Variants in MDGA2 observed in about 807,000 individuals in gnomAD.
MDGA2 encodes MAM domain-containing glycosylphosphatidylinositol anchor protein 2.
MDGA2 carries 40 observed loss-of-function variants against 117.8 expected under a neutral mutation model. The ratio of observed to expected loss-of-function variants is 0.34; its 90% CI spans 0.26 to 0.44. The LOEUF (loss-of-function observed/expected upper bound fraction) is 0.44, where lower values mean the gene tolerates loss of function less well. Ranked by LOEUF, MDGA2 falls within the 20% of genes least tolerant of loss-of-function variation. The probability of loss-of-function intolerance (pLI) is 1.00; values close to 1 mark genes in which losing one functional copy is unlikely to be tolerated. For synonymous variants in MDGA2, 452 were observed against 439.0 expected (o/e 1.03, Z -0.37); for missense variants, 1,123 against 1,250.6 (o/e 0.90, Z 1.54).
At chr14:47,136,438 C>A (rs1435980603) in intron 4 of MDGA2, among the ~76,000 whole-genome samples, 3 of 152,100 alleles carry the variant, frequency 2.0e-5, no homozygotes, top group Non-Finnish European at 4.4e-5. Context: ...CTCAAGTGAT[C>A]TGCCTGCCTT....
intron 1 of MDGA2, among the ~76,000 whole-genome samples, chr14:47,317,604 C>G (rs970695507): frequency 4.6e-5 from 7 of 151,964 alleles, no homozygotes; most frequent in Non-Finnish European, 1.0e-4. Flanking sequence ...AATAAGCCTT[C>G]CCCTAGAAAG....
intron 5 of MDGA2, among the ~76,000 whole-genome samples, chr14:47,102,952 C>T (rs1055792113): frequency 6.6e-6 from 1 of 151,978 alleles, no homozygotes; most frequent in Non-Finnish European, 1.5e-5. Flanking sequence ...CAGTGATCAA[C>T]GAGTGGCTAC....
At chr14:47,530,700 G>A (rs547521735) in intron 1 of MDGA2, among the ~76,000 whole-genome samples, 7 of 151,940 alleles carry the variant, frequency 4.6e-5, no homozygotes, top group South Asian at 2.1e-4. Context: ...ATTACTTCTC[G>A]ACCTGCCAAT....
At chr14:47,260,517 C>T (rs924754595) in intron 2 of MDGA2, among the ~76,000 whole-genome samples, 2 of 151,990 alleles carry the variant, frequency 1.3e-5, no homozygotes, top group African/African-American at 4.8e-5. Context: ...TATAATGTAC[C>T]TGTTCTCTTC....
At chr14:47,069,084 A>G (rs918321925) in intron 6 of MDGA2, among the ~76,000 whole-genome samples, 1 of 152,072 alleles carries the variant, frequency 6.6e-6, no homozygotes, top group Non-Finnish European at 1.5e-5. Flanking sequence ...ACTTCTCTTA[A>G]CCCCAATAAT....
intron 1 of MDGA2, among the ~76,000 whole-genome samples, chr14:47,364,327 C>A (rs946334868): frequency 2.0e-5 from 3 of 152,266 alleles, no homozygotes; most frequent in Admixed American, 1.3e-4. Context: ...TGCAGGGACG[C>A]CATCTCTGCT....
intron 1 of MDGA2, among the ~76,000 whole-genome samples, chr14:47,670,847 T>C (rs1378380353): frequency 6.6e-6 from 1 of 152,106 alleles, no homozygotes; most frequent in Non-Finnish European, 1.5e-5. Context: ...AATAACTTTT[T>C]AAAATCCAAT....
intron 1 of MDGA2, among the ~76,000 whole-genome samples, chr14:47,496,557 C>G (rs1036251170): frequency 2.6e-5 from 4 of 151,782 alleles, no homozygotes; most frequent in African/African-American, 7.3e-5. Flanking sequence ...TGATTCCCCA[C>G]CTTTTTTATA....
At chr14:46,982,115 C>T (rs1594491624) in intron 8 of MDGA2, among the ~76,000 whole-genome samples, 1 of 152,098 alleles carries the variant, frequency 6.6e-6, no homozygotes. Context: ...ATGTCACATA[C>T]AAGTGTTGTA....
chr14:47,350,253 G>A (rs569336282), intron 1 of MDGA2, among the ~76,000 whole-genome samples: 2 of 152,230 alleles, frequency 1.3e-5, no homozygotes, highest in Admixed American at 6.5e-5. Flanking sequence ...GGGCACTAGC[G>A]CATTTCCTGG....
chr14:47,284,524 A>T (rs935525709), intron 2 of MDGA2, among the ~76,000 whole-genome samples: 2 of 152,112 alleles, frequency 1.3e-5, no homozygotes, highest in African/African-American at 4.8e-5. Flanking sequence ...CCCAGCCGAA[A>T]GTTTTTGCTT....
rs778593979 is a variant in MDGA2, at chr14:47,675,541, G to C, written c.-745C>G. 1.3e-5 allele frequency among the ~76,000 whole-genome samples: 2 copies of C among 152,116 alleles called. No homozygotes were observed. The highest frequency in any genetic ancestry group is 2.4e-5 in the African/African-American group (1 of 41,456). ...CGGCCAGCGTAGAGGTGCTCTGGCC[G>C]GCCGCACCAATTCCCGGAGCCGAAA... On this transcript the variant is annotated 5_prime_UTR_variant, in exon 1 of 17. Transcript: ENST00000399232.
intron 3 of MDGA2, chr14:47,200,972 C>T (rs1885483229): frequency 3.6e-6 from 3 of 834,810 alleles, no homozygotes; most frequent in East Asian, 2.4e-5. Context: ...TAGAAATTGC[C>T]AGAAATGTTG....
At position 46,929,595 on chromosome 14, in the gene MDGA2, G is replaced by GTGTGTGTGTGTGTA. The variant is rs1884460946; in HGVS notation, c.2090-9436_2090-9435insTACACACACACACA. On this transcript the variant is annotated intron_variant, in intron 9 of 16. Transcript: ENST00000399232. ...AGTATATATACGTGTGTGTGTGTGT[G>GTGTGTGTGTGTGTA]TGTGTGTATATATATATATATATAT... is the stretch of plus-strand genomic sequence containing the variant. Among the ~76,000 whole-genome samples, 32 of 17,828 alleles carry GTGTGTGTGTGTGTA rather than the reference G, an allele frequency of 1.8e-3. 1 individual carries two copies. The highest frequency in any genetic ancestry group is 6.0e-3 in the African/African-American group (31 of 5,204). 11.7% of individuals were successfully genotyped at this position (17,828 alleles called of 152,430 possible). A position where few individuals can be genotyped will look rare whatever the true frequency, so the allele number is the denominator to read the frequency against.
chr14:46,877,053 A>G (rs983450099), intron 12 of MDGA2, among the ~76,000 whole-genome samples: 3 of 151,688 alleles, frequency 2.0e-5, no homozygotes, highest in Non-Finnish European at 3.0e-5. Context: ...AGTGTTCTAT[A>G]AAAGAAAGTC....
chr14:47,132,638 C>T (rs1882260682), intron 4 of MDGA2, among the ~76,000 whole-genome samples: 1 of 151,880 alleles, frequency 6.6e-6, no homozygotes, highest in Admixed American at 6.6e-5. Flanking sequence ...TAGTCTCCTG[C>T]CCAATTCAAA....
At chr14:47,079,745 T>TTTTTTTTTTTTTTTTG (rs1566611970) in intron 6 of MDGA2, among the ~76,000 whole-genome samples, 1 of 140,260 alleles carries the variant, frequency 7.1e-6, no homozygotes, top group African/African-American at 2.7e-5. Context: ...TTTTTTTTTT[T>TTTTTTTTTTTTTTTTG]TTTTGAGACA....
At chr14:47,591,058 C>A (rs1353579121) in intron 1 of MDGA2, among the ~76,000 whole-genome samples, 1 of 152,016 alleles carries the variant, frequency 6.6e-6, no homozygotes, top group Non-Finnish European at 1.5e-5. Flanking sequence ...CACCTTTAAA[C>A]TGGCAATGAA....
At chr14:47,400,753 CTTTTCTTT>C (rs1892119749) in intron 1 of MDGA2, among the ~76,000 whole-genome samples, 3 of 19,954 alleles carry the variant, frequency 1.5e-4, no homozygotes, top group Non-Finnish European at 3.4e-4. Flanking sequence ...CTTTTCTTTT[CTTTTCTTT>C]TTTTTTTTTT....
Sources: gnomAD v4.1 joint callset for allele counts (sites outside exome capture counted in the v4.1 genomes callset) on GRCh38, gnomAD v4.1.1 for gene constraint, MANE v1.5 for transcripts, NCBI Gene and HGNC (gene_info 2026-07-23, HGNC 2026-07-21) for gene names.